Variants in MPND observed in about 807,000 individuals in gnomAD.
MPND encodes the protein MPN domain containing.
MPND carries 56 observed loss-of-function variants against 59.2 expected under a neutral mutation model. That is an observed-to-expected ratio of 0.95 (90% CI 0.76 to 1.18). The LOEUF is 1.18. Among genes scored for constraint, MPND ranks in the 50% most tolerant of loss-of-function variants. The pLI, the probability that MPND is intolerant of heterozygous loss-of-function variation, is 0.00. For missense variants in MPND, 671 were observed against 676.0 expected, an observed-to-expected ratio of 0.99 and a Z score of 0.08; for synonymous variants, 323 against 291.9, an observed-to-expected ratio of 1.11 and a Z score of -1.09.
At position 4,343,856 on chromosome 19, in the gene MPND, A is replaced by AGGCGGC. The variant is rs980684613; in HGVS notation, c.165_170dup (p.Gly56_Gly57dup). 6.1e-5 allele frequency: 71 copies of AGGCGGC among 1,161,956 alleles called. 1 individual carries two copies. The East Asian group carries it at 2.3e-3, about 37-fold the overall frequency. 72.0% of individuals were successfully genotyped at this position (1,161,956 alleles called of 1,614,324 possible). A position where few individuals can be genotyped will look rare whatever the true frequency, so the allele number is the denominator to read the frequency against. Reference sequence around the variant, plus strand: ...GCGGCGGCAGTAGCGTCAGCGGAGGAGGCGGCGGCGGCGGGGCCGGGGCGG... The same window carrying AGGCGGC: ...GCGGCGGCAGTAGCGTCAGCGGAGGAGGCGGCGGCGGCGGCGGCGGGGCCGGGGCGG... On this transcript the variant is annotated inframe_insertion, in exon 2 of 13. Coordinates refer to ENST00000599840, the MANE Select transcript of MPND (RefSeq NM_001300862.2).
rs747799992 is a variant in MPND at position 4,346,020 on chromosome 19, A to C, written c.531+39A>C. On this transcript the variant is annotated intron_variant, in intron 3 of 12. Transcript: ENST00000599840. ...CCTCCTCCAGGAAGCCGCCCAGGTC[A>C]CTGTGGAATGAGGGGTGCCCAGCCT... 3 of 1,561,240 alleles carry C rather than the reference A, an allele frequency of 1.9e-6. No homozygotes were observed. The Admixed American group carries it at 5.4e-5, about 28-fold the overall frequency.
At chr19:4,354,661 T>G in intron 6 of MPND, 4 of 593,416 alleles carry the variant, frequency 6.7e-6, no homozygotes, top group Non-Finnish European at 1.2e-5. Context: ...AACTCAGGAG[T>G]TCGAGACAAG....
intron 3 of MPND, 36 bp downstream of exon 3, chr19:4,346,017 G>T (rs747954418): frequency 8.3e-6 from 13 of 1,573,186 alleles, no homozygotes; most frequent in Non-Finnish European, 1.1e-5. Flanking sequence ...AGCCGCCCAG[G>T]TCACTGTGGA....
At chr19:4,354,843 G>A (rs955267491) in intron 6 of MPND, 106 bp from the exon 7 acceptor site, 15 of 1,203,370 alleles carry the variant, frequency 1.2e-5, no homozygotes, top group South Asian at 1.6e-5. Flanking sequence ...CAGCCTGGGC[G>A]ACAGAGCAAG....
At chr19:4,353,839 TTC>T in intron 4 of MPND, 1 of 512,288 alleles carries the variant, frequency 2.0e-6, no homozygotes, top group Non-Finnish European at 3.5e-6. Flanking sequence ...AAAAAATTTC[TTC>T]TTTGTAAATA....
At chr19:4,351,581 G>A (rs567584986) in intron 3 of MPND, among the ~76,000 whole-genome samples, 7 of 152,108 alleles carry the variant, frequency 4.6e-5, no homozygotes, top group East Asian at 1.9e-4. Context: ...TAGACTTGGC[G>A]GCCGGGCACG....
intron 10 of MPND, 60 bp downstream of exon 10, chr19:4,357,645 G>T: frequency 6.6e-7 from 1 of 1,509,508 alleles, no homozygotes; most frequent in South Asian, 1.2e-5. Flanking sequence ...TTTGGGTCAC[G>T]ACTAGGCAGG....
rs779440181 is a variant in MPND, at chr19:4,357,358, G to T, written c.1102G>T (p.Asp368Tyr). ...TCTGCAGGACATCGACGCACAGATG[G>T]ACTACCAGCTGCGGCTGCAGGGCTC... ...PSLQDIDAQM[D>Y]YQLRLQGSSN... The change falls in exon 9 of 13, where the codon GAC (aspartate) becomes TAC (tyrosine). Residue 368 changes from aspartate to tyrosine, a missense_variant. Physicochemically the swap from Asp to Tyr is radical, Grantham distance 160. Coordinates refer to ENST00000599840, the MANE Select transcript of MPND (RefSeq NM_001300862.2). 12 of 1,613,202 alleles carry T rather than the reference G, an allele frequency of 7.4e-6. No homozygotes were observed. In the South Asian group the frequency reaches 1.3e-4, roughly 18 times the overall value.
intron 3 of MPND, among the ~76,000 whole-genome samples, chr19:4,346,334 GGAA>G (rs1972185568): frequency 6.6e-6 from 1 of 152,152 alleles, no homozygotes; most frequent in African/African-American, 2.4e-5. Flanking sequence ...GGGCACTGGG[GGAA>G]CTTCAAATGC....
rs374181373 is a variant in MPND, at chr19:4,357,449, C to T, written c.1165+28C>T. On this transcript the variant is annotated intron_variant, in intron 9 of 12. Coordinates refer to ENST00000599840, the MANE Select transcript of MPND (RefSeq NM_001300862.2). ...ACGCGGGATGGGGCTGTGGGGGGAG[C>T]AAGGAGGGGGGATGCTGGGCCAGCC... The T allele has an allele frequency of 3.7e-6, 6 of 1,608,082 alleles. No individual in the cohort carries two copies. In the African/African-American group the frequency reaches 4.0e-5, roughly 11 times the overall value.
intron 11 of MPND, 32 bp from the exon 12 acceptor site, chr19:4,359,131 A>C (rs749993473): frequency 6.5e-7 from 1 of 1,527,664 alleles, no homozygotes; most frequent in Non-Finnish European, 9.1e-7. Context: ...GCTTGGAGGG[A>C]GCCTGGGAGT....
chr19:4,351,720 G>T (rs185206915), intron 3 of MPND, among the ~76,000 whole-genome samples: 1 of 152,042 alleles, frequency 6.6e-6, no homozygotes, highest in African/African-American at 2.4e-5. Context: ...AAATTAGCTG[G>T]GCGTGGTGGC....
intron 3 of MPND, among the ~76,000 whole-genome samples, chr19:4,350,452 CG>C (rs1461965071): frequency 1.3e-5 from 2 of 151,660 alleles, no homozygotes; most frequent in Non-Finnish European, 2.9e-5. Context: ...ACTAGACTGT[CG>C]GGGGTTAGGG....
At chr19:4,349,867 A>G (rs1286822902) in intron 3 of MPND, among the ~76,000 whole-genome samples, 1 of 152,232 alleles carries the variant, frequency 6.6e-6, no homozygotes. Flanking sequence ...AATCACATGT[A>G]ACAAATGCCA....
intron 4 of MPND, among the ~76,000 whole-genome samples, chr19:4,353,441 T>C (rs1034871380): frequency 2.0e-5 from 3 of 152,126 alleles, no homozygotes; most frequent in East Asian, 1.9e-4. Flanking sequence ...CTAACTTTTG[T>C]ATTTTTAGTA....
Position 4,352,950 on chromosome 19 carries a change from G to C in MPND, c.585G>C (p.Glu195Asp), listed in dbSNP as rs747783433. ...AGTTGCTGATGGAAGAGGAGGAGGA[G>C]GACGTTCTGGCAGGGGTCTCAGCAG... ...EEELLMEEEE[E>D]DVLAGVSAED... is the part of the protein sequence containing the mutation. Residue 195 changes from glutamate (E) to aspartate (D), a missense_variant, in exon 4 of 13, where the codon GAG becomes GAC. Transcript: ENST00000599840. 3.6e-6 allele frequency: 5 copies of C among 1,406,386 alleles called. No individual in the cohort carries two copies. The South Asian group carries it at 5.5e-5, about 15-fold the overall frequency. 87.1% of individuals were successfully genotyped at this position (1,406,386 alleles called of 1,614,324 possible).
At chr19:4,344,029 C>T (rs1287276641) in intron 2 of MPND, 35 bp downstream of exon 2, 33 of 1,276,038 alleles carry the variant, frequency 2.6e-5, no homozygotes, top group African/African-American at 4.7e-5. Flanking sequence ...CATCGCGGCT[C>T]GGGCAGGAAG....
intron 10 of MPND, 59 bp from the exon 11 acceptor site, chr19:4,358,024 C>A: frequency 2.1e-6 from 3 of 1,433,290 alleles, no homozygotes; most frequent in Non-Finnish European, 2.9e-6. Context: ...CCAATTGTCC[C>A]CAGCTGCCAT....
chr19:4,359,473 T>C (rs2144844984), intron 12 of MPND, among the ~76,000 whole-genome samples: 1 of 152,100 alleles, frequency 6.6e-6, no homozygotes, highest in East Asian at 1.9e-4. Context: ...CCGGATGAGG[T>C]CCTGGCAGCG....
Sources: gnomAD v4.1 joint callset for allele counts (sites outside exome capture counted in the v4.1 genomes callset) on GRCh38, gnomAD v4.1.1 for gene constraint, MANE v1.5 for transcripts, NCBI Gene and HGNC (gene_info 2026-07-23, HGNC 2026-07-21) for gene names.